Variants in SEMA6A observed in about 807,000 individuals in gnomAD.
SEMA6A encodes semaphorin 6A, also known as semaphorin-6A.
Under a neutral mutation model 96.8 loss-of-function variants are expected in SEMA6A, and 25 were observed. The observed-to-expected ratio is 0.26, with a 90% CI of 0.19 to 0.36. SEMA6A has a LOEUF of 0.36. Among genes scored for constraint, SEMA6A ranks in the 10% least tolerant of loss-of-function variants. The pLI, the probability that SEMA6A is intolerant of heterozygous loss-of-function variation, is 1.00. For synonymous variants in SEMA6A, 612 were observed against 518.0 expected (o/e 1.18, Z -2.46); for missense variants, 1,363 against 1,323.1 (o/e 1.03, Z -0.47).
At chr5:116,546,937 CTT>C (rs1318186435) in intron 1 of SEMA6A, among the ~76,000 whole-genome samples, 1 of 152,148 alleles carries the variant, frequency 6.6e-6, no homozygotes, top group African/African-American at 2.4e-5. Context: ...AATCAACTGA[CTT>C]TTCCATATAG....
intron 17 of SEMA6A, among the ~76,000 whole-genome samples, chr5:116,470,588 G>C (rs968747280): frequency 6.6e-6 from 1 of 152,118 alleles, no homozygotes; most frequent in Admixed American, 6.6e-5. Context: ...ACACAAAACA[G>C]AGACACTAAA....
chr5:116,549,331 T>C (rs760576397), intron 1 of SEMA6A, among the ~76,000 whole-genome samples: 8 of 152,130 alleles, frequency 5.3e-5, no homozygotes, highest in Admixed American at 3.9e-4. Context: ...ACAGAAGCAC[T>C]GAAGCCTGGA....
At chr5:116,559,239 T>C (rs944592237) in intron 1 of SEMA6A, among the ~76,000 whole-genome samples, 2 of 152,108 alleles carry the variant, frequency 1.3e-5, no homozygotes, top group South Asian at 2.1e-4. Context: ...GTGAGCACAA[T>C]AGGACTAGTG....
At position 116,446,510 on chromosome 5, in the gene SEMA6A, C is replaced by G. The variant is rs995247141; in HGVS notation, c.*103G>C. 65 of 1,018,844 alleles carry G rather than the reference C, an allele frequency of 6.4e-5. No individual in the cohort carries two copies. Among genetic ancestry groups the G allele is most frequent in the South Asian group, 4.2e-4 (19 of 45,526 alleles). The allele number at this position is 1,018,844 out of a possible 1,614,324, so 63.1% of individuals were successfully genotyped here. On this transcript the variant is annotated 3_prime_UTR_variant, in exon 19 of 19. Coordinates refer to ENST00000343348, the MANE Select transcript of SEMA6A (RefSeq NM_020796.5). ...CAGCGTCCTCGGCTCTGCCGCAGGC[C>G]TTCTTGGTCTGGTGGGTACTCGAGG...
intron 9 of SEMA6A, chr5:116,487,213 C>G: frequency 2.3e-6 from 1 of 437,540 alleles, no homozygotes; most frequent in Middle Eastern, 6.4e-4. Context: ...GGAATCAGCT[C>G]CGAGCCACAT....
chr5:116,560,621 ATC>A (rs1241373945), intron 1 of SEMA6A, among the ~76,000 whole-genome samples: 1 of 152,082 alleles, frequency 6.6e-6, no homozygotes, highest in Admixed American at 6.6e-5. Context: ...CTGACAGAGT[ATC>A]TAATTCAACC....
At chr5:116,459,792 C>T (rs1252768969) in intron 18 of SEMA6A, among the ~76,000 whole-genome samples, 1 of 152,168 alleles carries the variant, frequency 6.6e-6, no homozygotes, top group Non-Finnish European at 1.5e-5. Context: ...GCATTTAGAT[C>T]ACCTTTGGGT....
chr5:116,496,407 C>A, intron 4 of SEMA6A, 94 bp from the exon 5 acceptor site: 1 of 1,000,880 alleles, frequency 1.0e-6, no homozygotes, highest in South Asian at 1.4e-5. Context: ...AAAGGCTGAA[C>A]ATATATTTAT....
chr5:116,570,451 G>C (rs576835098), intron 1 of SEMA6A, among the ~76,000 whole-genome samples: 2 of 152,286 alleles, frequency 1.3e-5, no homozygotes, highest in South Asian at 4.2e-4. Flanking sequence ...ATATAAATAT[G>C]TCAAGGAGCA....
chr5:116,508,776 C>G (rs755728460), intron 1 of SEMA6A, among the ~76,000 whole-genome samples: 1 of 152,162 alleles, frequency 6.6e-6, no homozygotes, highest in Admixed American at 6.5e-5. Context: ...AGGGCTCTCT[C>G]CAGACGGAAA....
chr5:116,473,498 C>A (rs1183160811), intron 16 of SEMA6A, among the ~76,000 whole-genome samples: 1 of 152,252 alleles, frequency 6.6e-6, no homozygotes, highest in Non-Finnish European at 1.5e-5. Flanking sequence ...TTCATCCTCA[C>A]AACCATGCTG....
intron 7 of SEMA6A, among the ~76,000 whole-genome samples, chr5:116,489,924 A>G (rs1389713459): frequency 6.6e-6 from 1 of 152,228 alleles, no homozygotes; most frequent in African/African-American, 2.4e-5. Flanking sequence ...AAATAAAAAA[A>G]TTACTTCCGT....
At position 116,467,706 on chromosome 5, in the gene SEMA6A, A is replaced by C. The variant is rs199528458; in HGVS notation, c.1771T>G (p.Ser591Ala). ...SLLPSTTTSDSTAQEGYESRG... is the reference protein window; with the variant it reads ...SLLPSTTTSDATAQEGYESRG... ...GACTCATACCCCTCTTGAGCCGTCG[A>C]ATCTGATGTGGTTGTGCTGGGCAAG... Residue 591 changes from serine to alanine, a missense_variant, in exon 18 of 19, where the codon TCG (serine) becomes GCG (alanine). Coordinates refer to ENST00000343348, the MANE Select transcript of SEMA6A (RefSeq NM_020796.5). 4 of 1,613,796 alleles carry C rather than the reference A, an allele frequency of 2.5e-6. No individual in the cohort carries two copies. Among genetic ancestry groups the C allele is most frequent in the Non-Finnish European group, 3.4e-6 (4 of 1,179,834 alleles).
intron 16 of SEMA6A, among the ~76,000 whole-genome samples, chr5:116,475,181 C>G (rs1377496577): frequency 1.3e-5 from 2 of 152,094 alleles, no homozygotes; most frequent in African/African-American, 4.8e-5. Context: ...AATGATCAAT[C>G]TTATTATTAT....
intron 1 of SEMA6A, among the ~76,000 whole-genome samples, chr5:116,553,693 C>G (rs1307237275): frequency 6.6e-6 from 1 of 152,098 alleles, no homozygotes; most frequent in Non-Finnish European, 1.5e-5. Context: ...GTCAGAGCAG[C>G]CTTTCATTCA....
At position 116,453,260 on chromosome 5, in the gene SEMA6A, A is replaced by G. The variant is rs139622785; in HGVS notation, c.1895-5449T>C. Reference sequence around the variant, plus strand: ...CTCTCTGCCTGGAATGTCCCTACTCATTTTCCCACTCATCAGACCCTATCT... The same window carrying G: ...CTCTCTGCCTGGAATGTCCCTACTCGTTTTCCCACTCATCAGACCCTATCT... On this transcript the variant is annotated intron_variant, in intron 18 of 18. Transcript: ENST00000343348. Among the ~76,000 whole-genome samples, 5 of 152,092 alleles carry G rather than the reference A, an allele frequency of 3.3e-5. No individual in the cohort carries two copies. In the East Asian group the frequency reaches 9.7e-4, roughly 29 times the overall value.
chr5:116,572,598 A>G lies in SEMA6A; in HGVS notation c.-39+1587T>C, dbSNP rs137898732. ...CTGCACCTGAAGCTGCCTACTTGCA[A>G]GCCACTGAGCCCCGGCCTGTGTCCA... On this transcript the variant is annotated intron_variant, in intron 1 of 18. Coordinates refer to ENST00000343348, the MANE Select transcript of SEMA6A (RefSeq NM_020796.5). 1.6e-3 allele frequency among the ~76,000 whole-genome samples: 237 copies of G among 152,274 alleles called. 2 individuals carry two copies. Among genetic ancestry groups the G allele is most frequent in the Non-Finnish European group, 2.2e-3 (147 of 67,996 alleles).
chr5:116,472,879 A>G (rs1756235371), intron 17 of SEMA6A, 194 bp downstream of exon 17: 3 of 1,492,872 alleles, frequency 2.0e-6, no homozygotes, highest in Non-Finnish European at 2.6e-6. Context: ...AAATCCGTAA[A>G]CTGACCATAC....
At chr5:116,542,910 C>A (rs1004210670) in intron 1 of SEMA6A, among the ~76,000 whole-genome samples, 3 of 152,110 alleles carry the variant, frequency 2.0e-5, no homozygotes, top group African/African-American at 4.8e-5. Flanking sequence ...AGCACTTGAA[C>A]CCTTTCTCTG....
Sources: allele counts gnomAD v4.1 joint callset (sites outside exome capture counted in the v4.1 genomes callset), GRCh38; gene constraint gnomAD v4.1.1; transcripts MANE v1.5; gene names NCBI Gene and HGNC (gene_info 2026-07-23, HGNC 2026-07-21).